The following SGCZ variants were observed in gnomAD, a reference collection of about 807,000 sequenced individuals.
The protein encoded by SGCZ is zeta-sarcoglycan.
Under a neutral mutation model 41.3 loss-of-function variants are expected in SGCZ, and 40 were observed. That is an observed-to-expected ratio of 0.97 (90% CI 0.75 to 1.26). The LOEUF is 1.26. SGCZ is among the 50% of genes most tolerant of loss of function. The pLI is 0.00. For missense variants in SGCZ, 552 were observed against 369.8 expected (o/e 1.49, Z -4.04); for synonymous variants, 206 against 137.5 (o/e 1.50, Z -3.49).
chr8:14,799,897 G>T (rs1177033032), intron 1 of SGCZ, among the ~76,000 whole-genome samples: 1 of 151,882 alleles, frequency 6.6e-6, no homozygotes, highest in Non-Finnish European at 1.5e-5. Context: ...AATGGAGGTT[G>T]GATACACAAA....
rs149058475 is a variant in SGCZ at position 15,165,097 on chromosome 8, C to G, written c.39+72488G>C. On this transcript the variant is annotated intron_variant, in intron 1 of 7. Coordinates refer to ENST00000382080, the MANE Select transcript of SGCZ (RefSeq NM_139167.4). ...ACGAGGTCAGGAGTTCAAGACCAGC[C>G]TGACCAACATGGTGAAACCCTGTCT... 5.8e-3 allele frequency among the ~76,000 whole-genome samples: 890 copies of G among 152,192 alleles called. 22 individuals are homozygous for G. In the East Asian group the frequency reaches 0.075, roughly 13 times the overall value.
At chr8:14,424,698 A>G (rs999750924) in intron 2 of SGCZ, among the ~76,000 whole-genome samples, 17 of 152,312 alleles carry the variant, frequency 1.1e-4, no homozygotes, top group Admixed American at 1.1e-3. Context: ...CTGTTAATGA[A>G]TATCTGAATC....
At chr8:14,856,951 T>G (rs1803562049) in intron 1 of SGCZ, among the ~76,000 whole-genome samples, 1 of 152,116 alleles carries the variant, frequency 6.6e-6, no homozygotes, top group Non-Finnish European at 1.5e-5. Context: ...TTTGGATCCG[T>G]GTCTCTGCCC....
intron 2 of SGCZ, among the ~76,000 whole-genome samples, chr8:14,443,154 T>A (rs1054879267): frequency 6.6e-6 from 1 of 152,038 alleles, no homozygotes; most frequent in Non-Finnish European, 1.5e-5. Flanking sequence ...CTCAAGGAAA[T>A]AAAAGACGAT....
intron 1 of SGCZ, among the ~76,000 whole-genome samples, chr8:15,097,514 C>T (rs1806392430): frequency 6.6e-6 from 1 of 151,636 alleles, no homozygotes; most frequent in South Asian, 2.1e-4. Flanking sequence ...TTTGGGAGGC[C>T]AAGATGGGAG....
intron 1 of SGCZ, among the ~76,000 whole-genome samples, chr8:15,105,073 C>T (rs967796665): frequency 6.6e-6 from 1 of 152,132 alleles, no homozygotes; most frequent in African/African-American, 2.4e-5. Flanking sequence ...TGTTTGCTAA[C>T]CCAATAAATT....
Position 14,748,549 on chromosome 8 carries a change from C to T in SGCZ, c.40-193623G>A, listed in dbSNP as rs143972103. 2.8e-4 allele frequency among the ~76,000 whole-genome samples: 43 copies of T among 152,214 alleles called. No individual in the cohort carries two copies. The East Asian group carries it at 7.9e-3, about 28-fold the overall frequency. ...TGACTCTGCTTTTTAAATACAGCCC[C>T]AGAAATGCATTGGAATATTTCGGCA... On this transcript the variant is annotated intron_variant, in intron 1 of 7. Coordinates refer to ENST00000382080, the MANE Select transcript of SGCZ (RefSeq NM_139167.4).
chr8:14,117,648 A>G (rs930356575), intron 5 of SGCZ, among the ~76,000 whole-genome samples: 6 of 151,818 alleles, frequency 4.0e-5, no homozygotes, highest in Admixed American at 6.6e-5. Context: ...GGTTTGTTAC[A>G]TAGGTATACG....
intron 1 of SGCZ, among the ~76,000 whole-genome samples, chr8:15,113,863 G>A (rs1807162286): frequency 1.3e-5 from 2 of 152,068 alleles, no homozygotes; most frequent in African/African-American, 4.8e-5. Flanking sequence ...TTCCTTATAA[G>A]TTCCCCCATA....
intron 1 of SGCZ, among the ~76,000 whole-genome samples, chr8:14,946,882 G>A (rs1244828246): frequency 6.6e-6 from 1 of 151,776 alleles, no homozygotes; most frequent in Non-Finnish European, 1.5e-5. Context: ...CACCATATTG[G>A]CCAGGCTGGT....
intron 1 of SGCZ, among the ~76,000 whole-genome samples, chr8:14,693,709 G>GC (rs1179381015): frequency 2.1e-5 from 3 of 143,072 alleles, no homozygotes; most frequent in Admixed American, 7.4e-5. Flanking sequence ...TTCTCCCTCA[G>GC]CCCCCCAAGT....
intron 6 of SGCZ, among the ~76,000 whole-genome samples, chr8:14,103,754 T>A (rs1585137030): frequency 6.6e-6 from 1 of 152,132 alleles, no homozygotes; most frequent in African/African-American, 2.4e-5. Context: ...TTTGAATGTG[T>A]CTATTTTTAA....
chr8:14,632,750 T>A (rs1263721310), intron 1 of SGCZ, among the ~76,000 whole-genome samples: 3 of 152,028 alleles, frequency 2.0e-5, no homozygotes, highest in Admixed American at 2.0e-4. Flanking sequence ...AATCCAATAT[T>A]CTATTTCTAT....
chr8:14,514,809 GTGTGTATA>G (rs1403265014), intron 2 of SGCZ, among the ~76,000 whole-genome samples: 19 of 67,976 alleles, frequency 2.8e-4, no homozygotes, highest in African/African-American at 6.4e-4. Flanking sequence ...GTGTGTGTGT[GTGTGTATA>G]TATACACGCA....
At chr8:14,520,481 C>T (rs887550551) in intron 2 of SGCZ, among the ~76,000 whole-genome samples, 10 of 152,112 alleles carry the variant, frequency 6.6e-5, no homozygotes, top group Non-Finnish European at 1.2e-4. Flanking sequence ...TGGCATACTG[C>T]TGGCTTTAGG....
chr8:14,593,673 T>A (rs978509220), intron 1 of SGCZ, among the ~76,000 whole-genome samples: 1 of 152,114 alleles, frequency 6.6e-6, no homozygotes, highest in Admixed American at 6.6e-5. Flanking sequence ...AAATGAAAAA[T>A]AATTATTAAA....
intron 1 of SGCZ, among the ~76,000 whole-genome samples, chr8:15,223,498 C>T (rs1174964381): frequency 1.3e-5 from 2 of 152,150 alleles, no homozygotes; most frequent in East Asian, 3.9e-4. Flanking sequence ...TTACCATTTA[C>T]TTCATTATTT....
chr8:14,741,476 A>T (rs73664447), intron 1 of SGCZ, among the ~76,000 whole-genome samples: 2,579 of 152,104 alleles, frequency 0.017, 63 homozygotes, highest in African/African-American at 0.058. Context: ...TAAGCATTAA[A>T]TTTTTCCAAG....
intron 2 of SGCZ, among the ~76,000 whole-genome samples, chr8:14,493,594 G>A (rs1169061854): frequency 6.6e-6 from 1 of 151,072 alleles, no homozygotes; most frequent in Non-Finnish European, 1.5e-5. Context: ...TCTCGATATC[G>A]TGACCTCATG....
Sources: allele counts gnomAD v4.1 joint callset (sites outside exome capture counted in the v4.1 genomes callset), GRCh38; gene constraint gnomAD v4.1.1; transcripts MANE v1.5; gene names NCBI Gene and HGNC (gene_info 2026-07-23, HGNC 2026-07-21).